LCMT1: variants seen among roughly 807,000 people sequenced by gnomAD.
The protein encoded by LCMT1 is leucine carboxyl methyltransferase 1.
Under a neutral mutation model 47.7 loss-of-function variants are expected in LCMT1, and 32 were observed. That is an observed-to-expected ratio of 0.67 (90% CI 0.51 to 0.90). The LOEUF (loss-of-function observed/expected upper bound fraction) is 0.90. LCMT1 is among the 40% of genes least tolerant of loss of function. LCMT1 has a pLI of 0.00. For missense variants in LCMT1, 375 were observed against 415.2 expected (o/e 0.90, Z 0.84); for synonymous variants, 152 against 149.7 (o/e 1.02, Z -0.11).
At position 25,178,194 on chromosome 16, in the gene LCMT1, C is replaced by T. The variant is rs770148798; in HGVS notation, c.*171C>T. The T allele has an allele frequency of 2.2e-5, 13 of 602,902 alleles. No individual in the cohort carries two copies. The highest frequency in any genetic ancestry group is 2.9e-5 in the Non-Finnish European group (10 of 346,998). The allele number at this position is 602,902 out of a possible 1,614,324, so 37.3% of individuals were successfully genotyped here. A position where few individuals can be genotyped will look rare whatever the true frequency, so the allele number is the denominator to read the frequency against. On this transcript the variant is annotated 3_prime_UTR_variant, in exon 11 of 11. Transcript: ENST00000399069. Reference sequence around the variant, plus strand: ...ATGTTCCTCTTCCTGTTCCTGTTGACATGTCGTTGTTTAAATAAATCTCAC... The same window carrying T: ...ATGTTCCTCTTCCTGTTCCTGTTGATATGTCGTTGTTTAAATAAATCTCAC...
chr16:25,134,881 ATG>A (rs1362823934), intron 3 of LCMT1, among the ~76,000 whole-genome samples: 1 of 152,164 alleles, frequency 6.6e-6, no homozygotes, highest in African/African-American at 2.4e-5. Context: ...GATTATGGGT[ATG>A]AGCCACTATG....
intron 2 of LCMT1, among the ~76,000 whole-genome samples, chr16:25,131,792 A>G (rs768222553): frequency 1.3e-4 from 20 of 152,168 alleles, no homozygotes; most frequent in African/African-American, 2.9e-4. Flanking sequence ...CTTGTGGTCT[A>G]TCCTCCCAAG....
At chr16:25,146,733 G>A (rs745717902) in intron 4 of LCMT1, 1 of 152,172 alleles carries the variant, frequency 6.6e-6, no homozygotes, top group Admixed American at 6.6e-5. Context: ...TGCATGGCAC[G>A]CGATGCTTCC....
chr16:25,111,816 TC>T lies in LCMT1; in HGVS notation c.-63del. On this transcript the variant is annotated 5_prime_UTR_variant, in exon 1 of 11. Coordinates refer to ENST00000399069, the MANE Select transcript of LCMT1 (RefSeq NM_016309.3). ...TGCTTTCTCCCTGTGGCTCGCGCCG[TC>T]CCCCGCCGCCCGTCGACCCCGCTTC... The T allele has an allele frequency of 9.4e-7, 1 of 1,065,298 alleles. No individual in the cohort carries two copies. Among genetic ancestry groups the T allele is most frequent in the Non-Finnish European group, 1.4e-6 (1 of 706,950 alleles). 66.0% of individuals were successfully genotyped at this position (1,065,298 alleles called of 1,614,324 possible). A position where few individuals can be genotyped will look rare whatever the true frequency, so the allele number is the denominator to read the frequency against.
At chr16:25,150,337 T>G (rs1241470935) in intron 4 of LCMT1, among the ~76,000 whole-genome samples, 6 of 93,300 alleles carry the variant, frequency 6.4e-5, no homozygotes, top group Admixed American at 2.6e-4. Context: ...TTTCTGGTTT[T>G]TTTTTTTTTT....
At chr16:25,132,915 T>C (rs2141651891) in intron 3 of LCMT1, among the ~76,000 whole-genome samples, 1 of 150,902 alleles carries the variant, frequency 6.6e-6, no homozygotes, top group East Asian at 1.9e-4. Flanking sequence ...TGGAACGCAA[T>C]GGCACAATCA....
intron 1 of LCMT1, among the ~76,000 whole-genome samples, chr16:25,118,160 C>T (rs528580748): frequency 4.6e-5 from 7 of 152,260 alleles, no homozygotes; most frequent in Admixed American, 3.9e-4. Flanking sequence ...TTAATGGCCT[C>T]CTGTTGCCAT....
In LCMT1 at chr16:25,132,462, A is replaced by G. The variant is rs372904846; in HGVS notation, c.266A>G (p.Glu89Gly). ...QLIKAFLRKTECHCQIVNLGA... is the reference protein window; with the variant it reads ...QLIKAFLRKTGCHCQIVNLGA... Reference sequence around the variant, plus strand: ...ATAAAGGCATTTCTACGGAAGACAGAATGTCATTGTCAAATTGTCAACCTT... The same window carrying G: ...ATAAAGGCATTTCTACGGAAGACAGGATGTCATTGTCAAATTGTCAACCTT... Residue 89 changes from glutamate to glycine, a missense_variant, in exon 3 of 11, where the codon GAA (glutamate) becomes GGA (glycine). Coordinates refer to ENST00000399069, the MANE Select transcript of LCMT1 (RefSeq NM_016309.3). 1.2e-6 allele frequency: 2 copies of G among 1,613,882 alleles called. No individual in the cohort carries two copies. The highest frequency in any genetic ancestry group is 1.7e-6 in the Non-Finnish European group (2 of 1,179,814).
intron 1 of LCMT1, among the ~76,000 whole-genome samples, chr16:25,117,858 A>C (rs1280167672): frequency 1.3e-5 from 2 of 152,170 alleles, no homozygotes; most frequent in Admixed American, 6.5e-5. Context: ...TCTCAAAAAA[A>C]AAAAAAAAAA....
intron 4 of LCMT1, 65 bp from the exon 5 acceptor site, chr16:25,151,489 T>G: frequency 3.8e-6 from 5 of 1,321,228 alleles, no homozygotes; most frequent in South Asian, 1.2e-5. Context: ...GTGCAGTAAA[T>G]GAGCTCATGA....
chr16:25,134,155 A>AT (rs1960437267), intron 3 of LCMT1, among the ~76,000 whole-genome samples: 1 of 151,190 alleles, frequency 6.6e-6, no homozygotes, highest in South Asian at 2.1e-4. Flanking sequence ...ATTTCTCCAG[A>AT]TTTTTTGCGG....
Position 25,111,763 on chromosome 16 carries a change from A to T in LCMT1, c.-121A>T, listed in dbSNP as rs1443363310. ...CGGCGTCACTGAGCCGCGCCAGCTGAGCCAGGTAGGGCCCTACCCTCTTCT... is the reference window on the plus strand; with the variant it reads ...CGGCGTCACTGAGCCGCGCCAGCTGTGCCAGGTAGGGCCCTACCCTCTTCT... On this transcript the variant is annotated 5_prime_UTR_variant, in exon 1 of 11. Transcript: ENST00000399069. 1.5e-6 allele frequency: 1 copy of T among 662,888 alleles called. No individual in the cohort carries two copies. The highest frequency in any genetic ancestry group is 1.8e-5 in the African/African-American group (1 of 55,360). 41.1% of individuals were successfully genotyped at this position (662,888 alleles called of 1,614,324 possible). A position where few individuals can be genotyped will look rare whatever the true frequency, so the allele number is the denominator to read the frequency against.
Position 25,136,693 on chromosome 16 carries a change from ATGCGCACCACCG to A in LCMT1, c.328-3474_328-3463del, listed in dbSNP as rs1960515436. ...GCCTTCCGAGTAGCTGGGATTACAG[ATGCGCACCACCG>A]TGCCTGGCTATTTTGTAGAGATGGG... On this transcript the variant is annotated intron_variant, in intron 3 of 10. Coordinates refer to ENST00000399069, the MANE Select transcript of LCMT1 (RefSeq NM_016309.3). Among the ~76,000 whole-genome samples, 3 of 150,744 alleles carry A rather than the reference ATGCGCACCACCG, an allele frequency of 2.0e-5. 1 individual carries two copies. The South Asian group carries it at 6.3e-4, about 32-fold the overall frequency.
intron 5 of LCMT1, chr16:25,160,751 C>T (rs1567325104): frequency 1.9e-6 from 1 of 528,582 alleles, no homozygotes; most frequent in Admixed American, 1.9e-5. Context: ...GTCCCTGATG[C>T]TGTTGTTACG....
At chr16:25,153,055 T>A (rs1961129027) in intron 5 of LCMT1, among the ~76,000 whole-genome samples, 1 of 151,958 alleles carries the variant, frequency 6.6e-6, no homozygotes, top group Admixed American at 6.6e-5. Context: ...ATGAGCCAGG[T>A]TTATTACAAC....
chr16:25,140,598 C>T lies in LCMT1; in HGVS notation c.404+351C>T, dbSNP rs185661374. The T allele has an allele frequency of 3.1e-5, 7 of 227,712 alleles. 1 individual carries two copies. The highest frequency in any genetic ancestry group is 5.2e-5 in the Non-Finnish European group (6 of 115,326). The allele number at this position is 227,712 out of a possible 1,614,324, so 14.1% of individuals were successfully genotyped here. ...CTGTCTTGTTGGCTCCCTGAAGAGG[C>T]TTGCAGAGATGTTTTTATTAGCGAA... is the stretch of plus-strand genomic sequence containing the variant. On this transcript the variant is annotated intron_variant, in intron 4 of 10. Transcript: ENST00000399069.
intron 5 of LCMT1, among the ~76,000 whole-genome samples, chr16:25,157,306 G>A (rs890306165): frequency 1.3e-5 from 2 of 152,072 alleles, no homozygotes; most frequent in South Asian, 2.1e-4. Flanking sequence ...TACTCTGGGA[G>A]GCAGAGGCAG....
intron 4 of LCMT1, chr16:25,143,136 T>G (rs1280183038): frequency 3.9e-5 from 6 of 152,240 alleles, no homozygotes; most frequent in Non-Finnish European, 7.3e-5. Flanking sequence ...AAGTCACCTT[T>G]TGAATCTGTC....
At chr16:25,115,228 A>G (rs1959748770) in intron 1 of LCMT1, among the ~76,000 whole-genome samples, 1 of 152,140 alleles carries the variant, frequency 6.6e-6, no homozygotes, top group African/African-American at 2.4e-5. Flanking sequence ...TTAGCACCTC[A>G]GTGGTTCTCT....
Sources: gnomAD v4.1 joint callset for allele counts (sites outside exome capture counted in the v4.1 genomes callset) on GRCh38, gnomAD v4.1.1 for gene constraint, MANE v1.5 for transcripts, NCBI Gene and HGNC (gene_info 2026-07-23, HGNC 2026-07-21) for gene names.